Variants in EIF4A3 observed in about 807,000 individuals in gnomAD.
EIF4A3 encodes eukaryotic initiation factor 4A-III.
Under a neutral mutation model 55.6 loss-of-function variants are expected in EIF4A3, and 1 was observed. The observed-to-expected ratio is 0.02, with a 90% CI of 0.01 to 0.09. EIF4A3 has a LOEUF of 0.09. EIF4A3 is among the 10% of genes least tolerant of loss of function. EIF4A3 has a pLI of 1.00. For missense variants in EIF4A3, 221 were observed against 540.7 expected (o/e 0.41, Z 5.86); for synonymous variants, 194 against 196.3 (o/e 0.99, Z 0.10).
At chr17:80,135,694 G>C (rs942041918) in intron 11 of EIF4A3, 188 bp from the exon 12 acceptor site, 3 of 624,356 alleles carry the variant, frequency 4.8e-6, no homozygotes, top group East Asian at 2.8e-5. Context: ...CCAGGAGTTC[G>C]AGACCAGCCT....
intron 3 of EIF4A3, 108 bp downstream of exon 3, chr17:80,141,674 A>C: frequency 8.7e-7 from 1 of 1,147,368 alleles, no homozygotes; most frequent in East Asian, 2.5e-5. Flanking sequence ...CTGAGTCAAT[A>C]CATACTAGAA....
At chr17:80,144,078 A>T in intron 2 of EIF4A3, 94 bp downstream of exon 2, 1 of 1,224,116 alleles carries the variant, frequency 8.2e-7, no homozygotes. Context: ...CTGAGCGTGT[A>T]CAAGCTGAGG....
chr17:80,139,184 G>T, intron 6 of EIF4A3, 22 bp from the exon 7 acceptor site: 10 of 1,613,300 alleles, frequency 6.2e-6, no homozygotes, highest in Non-Finnish European at 8.5e-6. Context: ...AGCAAGACAG[G>T]TGAGGGATGT....
At chr17:80,138,937 A>G (rs1432665924) in intron 7 of EIF4A3, 84 bp downstream of exon 7, 1 of 1,555,678 alleles carries the variant, frequency 6.4e-7, no homozygotes, top group African/African-American at 1.4e-5. Context: ...GACTCTGGCT[A>G]TAAAAAGTTT....
chr17:80,135,725 G>T, intron 11 of EIF4A3: 1 of 608,214 alleles, frequency 1.6e-6, no homozygotes. Flanking sequence ...GTGAAACCCC[G>T]TCTCTACTAA....
rs1304441390 is a variant in EIF4A3 at position 80,134,456 on chromosome 17, T to C, written c.*1034A>G. Among the ~76,000 whole-genome samples the C allele has an allele frequency of 6.6e-6, 1 of 152,040 alleles. No individual in the cohort carries two copies. Among genetic ancestry groups the C allele is most frequent in the Non-Finnish European group, 1.5e-5 (1 of 68,036 alleles). ...AGTTTGTCAACATTGTGGTAAGTCA[T>C]GATCCTGCCACTATACTCCTGCCTG... On this transcript the variant is annotated 3_prime_UTR_variant, in exon 12 of 12. Transcript: ENST00000649764.
At chr17:80,141,627 A>G (rs1189448400) in intron 3 of EIF4A3, 155 bp downstream of exon 3, 5 of 745,570 alleles carry the variant, frequency 6.7e-6, no homozygotes, top group Middle Eastern at 5.6e-4. Context: ...ATTAGTGCAT[A>G]TATTAGTGTA....
At chr17:80,136,403 A>G (rs1049511688) in intron 9 of EIF4A3, 68 bp from the exon 10 acceptor site, 1 of 1,326,510 alleles carries the variant, frequency 7.5e-7, no homozygotes, top group African/African-American at 1.5e-5. Flanking sequence ...ACTTGCTTCC[A>G]TTGCTAATTT....
intron 11 of EIF4A3, chr17:80,135,765 C>T (rs563361590): frequency 1.1e-5 from 7 of 611,630 alleles, no homozygotes; most frequent in Admixed American, 3.1e-5. Context: ...CTATGGTGCA[C>T]GTGTCTGTAA....
chr17:80,138,020 A>G (rs1348928349), intron 8 of EIF4A3, 122 bp downstream of exon 8: 37 of 1,303,202 alleles, frequency 2.8e-5, no homozygotes, highest in African/African-American at 4.4e-5. Context: ...AAGAGAACAC[A>G]TACCCTGAAA....
chr17:80,146,714 G>A, intron 1 of EIF4A3, 79 bp downstream of exon 1: 1 of 1,501,370 alleles, frequency 6.7e-7, no homozygotes, highest in Non-Finnish European at 8.9e-7. Context: ...GCCGGCCCGG[G>A]AGTCACCAGT....
chr17:80,136,445 C>T lies in EIF4A3; in HGVS notation c.984-110G>A, dbSNP rs374084505. On this transcript the variant is annotated intron_variant, in intron 9 of 11. Coordinates refer to ENST00000649764, the MANE Select transcript of EIF4A3 (RefSeq NM_014740.4). The stretch of plus-strand genomic sequence containing the variant: ...ATCCTGGCTGCAGGTCCAAAATATA[C>T]GAGATTCTCCTCTCTCAACAGTCTG... 118 of 786,478 alleles carry T rather than the reference C, an allele frequency of 1.5e-4. No individual in the cohort carries two copies. The African/African-American group carries it at 1.7e-3, about 11-fold the overall frequency. 48.7% of individuals were successfully genotyped at this position (786,478 alleles called of 1,614,324 possible).
intron 8 of EIF4A3, among the ~76,000 whole-genome samples, chr17:80,137,845 CACATTACCAT>C (rs1198722613): frequency 1.5e-4 from 23 of 152,278 alleles, no homozygotes; most frequent in African/African-American, 5.3e-4. Context: ...GGTCTGCCTC[CACATTACCAT>C]CACCTGGGGA....
intron 1 of EIF4A3, among the ~76,000 whole-genome samples, chr17:80,144,983 T>C (rs751912239): frequency 2.6e-5 from 4 of 152,246 alleles, no homozygotes; most frequent in Non-Finnish European, 4.4e-5. Context: ...GTCTCTTAAA[T>C]GTAGCTCTGC....
Position 80,139,098 on chromosome 17 carries a change from G to A in EIF4A3, c.651C>T (p.Ile217=). 6.2e-7 allele frequency: 1 copy of A among 1,614,158 alleles called. No homozygotes were observed. The part of the protein sequence containing the change: ...YLPPATQVVL[I]SATLPHEILE... ...GAATCTCGTGTGGCAGCGTGGCACTGATGAGAACCACCTGTGTGGCTGGAG... is the reference window on the plus strand; with the variant it reads ...GAATCTCGTGTGGCAGCGTGGCACTAATGAGAACCACCTGTGTGGCTGGAG... Residue 217 remains isoleucine (I), a synonymous_variant, in exon 7 of 12, where the codon ATC becomes ATT. Transcript: ENST00000649764.
At chr17:80,136,472 C>A in intron 9 of EIF4A3, 137 bp from the exon 10 acceptor site, 1 of 681,886 alleles carries the variant, frequency 1.5e-6, no homozygotes, top group South Asian at 1.9e-5. Context: ...AACAGTCTGT[C>A]TGCAAACGTG....
At position 80,140,021 on chromosome 17, in the gene EIF4A3, T is replaced by G; in HGVS notation, c.492A>C (p.Pro164=). 6.2e-7 allele frequency: 1 copy of G among 1,612,736 alleles called. No individual in the cohort carries two copies. The highest frequency in any genetic ancestry group is 1.1e-5 in the South Asian group (1 of 90,920). Residue 164 remains proline (P), a synonymous_variant, in exon 5 of 12, where the codon CCA becomes CCC. Transcript: ENST00000649764. Reference sequence around the variant, plus strand: ...AAAAGTGCTTACCAAAAACACGCCCTGGAGTGCCCGCGACAACATGCTGTC... The same window carrying G: ...AAAAGTGCTTACCAAAAACACGCCCGGGAGTGCCCGCGACAACATGCTGTC... ...DYGQHVVAGT[P]GRVFDMIRRR... is the part of the protein sequence containing the mutation.
At chr17:80,146,735 G>A in intron 1 of EIF4A3, 58 bp downstream of exon 1, 1 of 1,562,742 alleles carries the variant, frequency 6.4e-7, no homozygotes, top group Non-Finnish European at 8.6e-7. Flanking sequence ...CTGGCCCTCA[G>A]CCCCCGGCTC....
intron 9 of EIF4A3, chr17:80,136,965 C>T (rs2039575716): frequency 1.3e-5 from 2 of 158,166 alleles, no homozygotes; most frequent in African/African-American, 4.8e-5. Context: ...AACAAACAAA[C>T]AAAAAAAGAC....
Sources: allele counts gnomAD v4.1 joint callset (sites outside exome capture counted in the v4.1 genomes callset), GRCh38; gene constraint gnomAD v4.1.1; transcripts MANE v1.5; gene names NCBI Gene and HGNC (gene_info 2026-07-23, HGNC 2026-07-21).